WNK1: variants seen among roughly 807,000 people sequenced by gnomAD.
The protein encoded by WNK1 is WNK lysine deficient protein kinase 1.
WNK1 carries 38 observed loss-of-function variants against 222.8 expected under a neutral mutation model. That is an observed-to-expected ratio of 0.17 (90% CI 0.13 to 0.22). WNK1 has a LOEUF of 0.22. Ranked by LOEUF, WNK1 falls within the 10% of genes least tolerant of loss-of-function variation. The pLI is 1.00. For synonymous variants in WNK1, 1,090 were observed against 1,092.9 expected, an observed-to-expected ratio of 1.00 and a Z score of 0.05; for missense variants, 2,348 against 2,918.4, an observed-to-expected ratio of 0.80 and a Z score of 4.50.
chr12:769,023 T>G (rs557387166), intron 1 of WNK1, among the ~76,000 whole-genome samples: 8 of 152,068 alleles, frequency 5.3e-5, no homozygotes, highest in Non-Finnish European at 1.2e-4. Flanking sequence ...TTGACCAGGC[T>G]GGTCTCAAAC....
chr12:777,391 G>A (rs1294866038), intron 1 of WNK1, among the ~76,000 whole-genome samples: 1 of 151,830 alleles, frequency 6.6e-6, no homozygotes, highest in Non-Finnish European at 1.5e-5. Context: ...TTCTCCTGAG[G>A]TAGTGATGTG....
chr12:854,776 C>T (rs1417153263), intron 4 of WNK1, among the ~76,000 whole-genome samples: 3 of 152,196 alleles, frequency 2.0e-5, no homozygotes, highest in Admixed American at 1.3e-4. Flanking sequence ...GGACCCCACA[C>T]TCCTGTGGAT....
intron 26 of WNK1, among the ~76,000 whole-genome samples, chr12:903,236 T>C (rs1239843825): frequency 6.6e-6 from 1 of 152,198 alleles, no homozygotes; most frequent in Non-Finnish European, 1.5e-5. Flanking sequence ...TTACTGACTT[T>C]CCCCACATGC....
chr12:868,415 G>C lies in WNK1; in HGVS notation c.2140-2850G>C, dbSNP rs1438960827. ...ACAAGGGGGCCCTACTTCAAGTTCT[G>C]TCTTTGAATTTCCATCTGGACAGGC... On this transcript the variant is annotated intron_variant, in intron 8 of 27. Transcript: ENST00000315939. 6.2e-7 allele frequency: 1 copy of C among 1,613,954 alleles called. No homozygotes were observed. The highest frequency in any genetic ancestry group is 1.3e-5 in the African/African-American group (1 of 75,036).
Position 881,906 on chromosome 12 carries a change from C to G in WNK1, c.3210-5C>G. On this transcript the variant is annotated splice_polypyrimidine_tract_variant and splice_region_variant and intron_variant, in intron 13 of 27. Coordinates refer to ENST00000315939, the MANE Select transcript of WNK1 (RefSeq NM_018979.4). ...TGCACTTTTTTTTCTTTTTAAATTT[C>G]AAAGTGCACATTCAGATGTTGCTTC... 6.2e-7 allele frequency: 1 copy of G among 1,614,054 alleles called. No homozygotes were observed. The highest frequency in any genetic ancestry group is 8.5e-7 in the Non-Finnish European group (1 of 1,179,998).
intron 1 of WNK1, among the ~76,000 whole-genome samples, chr12:789,591 C>T (rs1944650747): frequency 7.1e-6 from 1 of 139,978 alleles, no homozygotes; most frequent in Non-Finnish European, 1.5e-5. Flanking sequence ...GACTGGAATG[C>T]AGTGATTCAA....
At chr12:851,548 T>A in intron 4 of WNK1, 1 of 1,174,984 alleles carries the variant, frequency 8.5e-7, no homozygotes, top group Non-Finnish European at 1.1e-6. Flanking sequence ...TGTCTGAGAG[T>A]TGGGGAAGCA....
chr12:818,535 GTA>G (rs1446993401), intron 2 of WNK1, among the ~76,000 whole-genome samples: 1 of 152,176 alleles, frequency 6.6e-6, no homozygotes, highest in African/African-American at 2.4e-5. Flanking sequence ...ATTTTTAAGT[GTA>G]TAGTTCAGTA....
At chr12:816,681 A>T (rs1947368871) in intron 2 of WNK1, among the ~76,000 whole-genome samples, 1 of 152,178 alleles carries the variant, frequency 6.6e-6, no homozygotes, top group South Asian at 2.1e-4. Context: ...AAGAACATAC[A>T]TGATAATTGA....
At chr12:887,398 T>C in intron 20 of WNK1, 94 bp downstream of exon 20, 1 of 1,268,934 alleles carries the variant, frequency 7.9e-7, no homozygotes, top group South Asian at 1.2e-5. Context: ...CTTTTGCCTA[T>C]TTGTCTTTGA....
chr12:826,950 C>A, intron 2 of WNK1, 92 bp from the exon 3 acceptor site: 2 of 980,354 alleles, frequency 2.0e-6, no homozygotes, highest in Non-Finnish European at 3.2e-6. Flanking sequence ...TTTGATATTC[C>A]CATCTCCAGT....
intron 1 of WNK1, among the ~76,000 whole-genome samples, chr12:785,438 C>T (rs553324052): frequency 8.9e-6 from 1 of 112,100 alleles, no homozygotes; most frequent in South Asian, 3.2e-4. Flanking sequence ...CTTGCTCTGT[C>T]ACCCAGAGCT....
chr12:866,801 T>G (rs903203793), intron 8 of WNK1, among the ~76,000 whole-genome samples: 2 of 152,212 alleles, frequency 1.3e-5, no homozygotes, highest in African/African-American at 2.4e-5. Context: ...TTTCAGTTGA[T>G]TAGAACACCA....
chr12:768,708 C>T (rs1942082491), intron 1 of WNK1, among the ~76,000 whole-genome samples: 1 of 152,136 alleles, frequency 6.6e-6, no homozygotes, highest in Non-Finnish European at 1.5e-5. Flanking sequence ...AAACATCTGC[C>T]ATTCTTATTC....
chr12:878,453 A>G (rs1238810725), intron 10 of WNK1, 92 bp downstream of exon 10: 2 of 1,397,420 alleles, frequency 1.4e-6, no homozygotes, highest in Non-Finnish European at 9.9e-7. Flanking sequence ...TTTCATGTGG[A>G]TAGACTTCTA....
At chr12:809,409 T>G (rs1013606508) in intron 1 of WNK1, among the ~76,000 whole-genome samples, 1 of 151,892 alleles carries the variant, frequency 6.6e-6, no homozygotes, top group Non-Finnish European at 1.5e-5. Context: ...TAGACTCTCT[T>G]CTTTATGCGA....
intron 2 of WNK1, among the ~76,000 whole-genome samples, chr12:822,212 G>A (rs1240625754): frequency 6.8e-6 from 1 of 146,524 alleles, no homozygotes; most frequent in Admixed American, 7.1e-5. Flanking sequence ...TCCTGCCTCA[G>A]CCTCCTGAGT....
rs746437666 is a variant in WNK1 at position 753,576 on chromosome 12, G to T, written c.11G>T (p.Gly4Val). MSG[G>V]AAEKQSSTPG... is the part of the protein sequence containing the mutation. ...TCCAGCGAACCGACCATGTCTGGCGGCGCCGCAGAGAAGCAGAGCAGCACT... is the reference window on the plus strand; with the variant it reads ...TCCAGCGAACCGACCATGTCTGGCGTCGCCGCAGAGAAGCAGAGCAGCACT... Residue 4 changes from glycine to valine, a missense_variant, in exon 1 of 28, where the codon GGC (glycine) becomes GTC (valine). Transcript: ENST00000315939. This position sits in a 1 kb window ranked among gnomAD's most constrained non-coding sequence, Gnocchi z 5.2. 1.8e-5 allele frequency: 29 copies of T among 1,612,424 alleles called. No homozygotes were observed. Among genetic ancestry groups the T allele is most frequent in the Non-Finnish European group, 2.4e-5 (28 of 1,179,948 alleles).
chr12:900,656 C>T lies in WNK1; in HGVS notation c.6629C>T (p.Ser2210Phe). Residue 2210 changes from serine to phenylalanine, a missense_variant, in exon 26 of 28, where the codon TCT becomes TTT. Around this residue, in one of 13 missense-constraint regions of WNK1, gnomAD observed 1,144 missense variants for 1,273.6 expected, o/e 0.90. Coordinates refer to ENST00000315939, the MANE Select transcript of WNK1 (RefSeq NM_018979.4). Reference protein sequence around the residue: ...SDGAISVPSLSAPGQGTSSTN... With the variant: ...SDGAISVPSLFAPGQGTSSTN... Reference sequence around the variant, plus strand: ...GGTGCCATTTCAGTACCAAGCCTTTCTGCTCCAGGTCAAGGTAATAAAGCA... The same window carrying T: ...GGTGCCATTTCAGTACCAAGCCTTTTTGCTCCAGGTCAAGGTAATAAAGCA... The T allele has an allele frequency of 6.2e-7, 1 of 1,614,212 alleles. No individual in the cohort carries two copies. Among genetic ancestry groups the T allele is most frequent in the African/African-American group, 1.3e-5 (1 of 75,060 alleles).
Sources: allele counts gnomAD v4.1 joint callset (sites outside exome capture counted in the v4.1 genomes callset), GRCh38; gene constraint gnomAD v4.1.1; regional missense constraint gnomAD v4.1.1; non-coding constraint Gnocchi (gnomAD v3.1); transcripts MANE v1.5; gene names NCBI Gene and HGNC (gene_info 2026-07-23, HGNC 2026-07-21).